Variants in WDR36 observed in about 807,000 individuals in gnomAD.
WDR36 encodes WD repeat domain 36.
A neutral mutation model predicts 112.7 loss-of-function variants in WDR36; 63 were observed. That is an observed-to-expected ratio of 0.56 (90% CI 0.46 to 0.69). WDR36 has a LOEUF of 0.69. WDR36 is among the 30% of genes least tolerant of loss of function. WDR36 has a pLI of 0.00. For missense variants in WDR36, 1,226 were observed against 1,070.3 expected, an observed-to-expected ratio of 1.15 and a Z score of -2.03; for synonymous variants, 410 against 362.2, an observed-to-expected ratio of 1.13 and a Z score of -1.50.
chr5:111,102,534 A>AG, intron 6 of WDR36, 135 bp downstream of exon 6: 4 of 877,036 alleles, frequency 4.6e-6, no homozygotes, highest in Non-Finnish European at 7.3e-6. Context: ...TGTTAGCCTG[A>AG]GGAAATAGTG....
At chr5:111,118,368 A>G (rs921539424) in intron 16 of WDR36, among the ~76,000 whole-genome samples, 4 of 152,136 alleles carry the variant, frequency 2.6e-5, no homozygotes, top group Middle Eastern at 3.2e-3. Flanking sequence ...TGAGTCTTCT[A>G]CCTGGTTTGT....
At chr5:111,099,463 G>T (rs199945131) in intron 4 of WDR36, among the ~76,000 whole-genome samples, 1,611 of 84,144 alleles carry the variant, frequency 0.019, 1 homozygote, top group East Asian at 0.024. Flanking sequence ...TTTTTTTTTT[G>T]TTTTTTTTTT....
rs1468888064 is a variant in WDR36 at position 111,123,882 on chromosome 5, A to G, written c.2226A>G (p.Val742=). 1 of 1,613,802 alleles carries G rather than the reference A, an allele frequency of 6.2e-7. No homozygotes were observed. Among genetic ancestry groups the G allele is most frequent in the Non-Finnish European group, 8.5e-7 (1 of 1,179,932 alleles). The change falls in exon 20 of 23, where the codon GTA becomes GTG. Residue 742 remains valine, a synonymous_variant. Coordinates refer to ENST00000513710, the MANE Select transcript of WDR36 (RefSeq NM_139281.3). ...TCATTCCAACAATTCCTGGCCTTGTACCCAGATATGCTGCACCTGAACAAA... is the reference window on the plus strand; with the variant it reads ...TCATTCCAACAATTCCTGGCCTTGTGCCCAGATATGCTGCACCTGAACAAA... The part of the protein sequence containing the change: ...PFFIPTIPGL[V]PRYAAPEQNN...
intron 19 of WDR36, 86 bp from the exon 20 acceptor site, chr5:111,123,719 T>G (rs1363806115): frequency 8.5e-6 from 13 of 1,535,450 alleles, no homozygotes; most frequent in Non-Finnish European, 1.2e-5. Context: ...CTTTTTGGTA[T>G]TTGTTTTAAA....
At chr5:111,101,206 T>A (rs1170077052) in intron 5 of WDR36, among the ~76,000 whole-genome samples, 4 of 151,966 alleles carry the variant, frequency 2.6e-5, no homozygotes, top group African/African-American at 4.8e-5. Flanking sequence ...GCATCACATA[T>A]GTGAAAGGTG....
chr5:111,102,308 A>T (rs759794875), intron 5 of WDR36, 37 bp from the exon 6 acceptor site: 1 of 1,575,980 alleles, frequency 6.3e-7, no homozygotes, highest in Non-Finnish European at 8.6e-7. Flanking sequence ...CTCCAAAAAA[A>T]AAAAAATACA....
chr5:111,129,688 G>T lies in WDR36; in HGVS notation c.*2805G>T. 5.0e-6 allele frequency: 1 copy of T among 200,780 alleles called. No individual in the cohort carries two copies. The highest frequency in any genetic ancestry group is 1.0e-5 in the Non-Finnish European group (1 of 97,542). 12.4% of individuals were successfully genotyped at this position (200,780 alleles called of 1,614,324 possible). On this transcript the variant is annotated 3_prime_UTR_variant, in exon 23 of 23. Transcript: ENST00000513710. ...TTACATGGTGTCTGTTTAAATAAAT[G>T]TTTTATATTTGTATACAATCAAATT...
chr5:111,110,384 A>G (rs1338992038), intron 13 of WDR36, 81 bp downstream of exon 13: 1 of 1,189,944 alleles, frequency 8.4e-7, no homozygotes, highest in Non-Finnish European at 1.2e-6. Context: ...ATAATCTTTA[A>G]GTGCTGGGCA....
chr5:111,121,024 A>G lies in WDR36; in HGVS notation c.2031A>G (p.Glu677=), dbSNP rs369697053. 4.3e-6 allele frequency: 7 copies of G among 1,613,502 alleles called. No individual in the cohort carries two copies. The African/African-American group carries it at 5.3e-5, about 12-fold the overall frequency. Residue 677 remains glutamate (E), a synonymous_variant, in exon 19 of 23, where the codon GAA becomes GAG. Transcript: ENST00000513710. ...TAGAAGTATCAGAAGAAACAGTAGA[A>G]CCAAGTGATGAATTGATAGAATATG... ...QDVEVSEETV[E]PSDELIEYDS...
rs368451969 is a variant in WDR36, at chr5:111,113,185, A to G, written c.1796+32A>G. On this transcript the variant is annotated intron_variant, in intron 16 of 22. Coordinates refer to ENST00000513710, the MANE Select transcript of WDR36 (RefSeq NM_139281.3). ...TTATATTTCTAATTCCCTAACCTCT[A>G]TAAGATTTCTAAGTTATTTTTTTCA... 1.8e-5 allele frequency: 24 copies of G among 1,330,642 alleles called. No individual in the cohort carries two copies. In the African/African-American group the frequency reaches 2.5e-4, roughly 14 times the overall value. 82.4% of individuals were successfully genotyped at this position (1,330,642 alleles called of 1,614,324 possible). A position where few individuals can be genotyped will look rare whatever the true frequency, so the allele number is the denominator to read the frequency against.
At position 111,092,422 on chromosome 5, in the gene WDR36, G is replaced by A. The variant is rs769255110; in HGVS notation, c.-35G>A. 6.2e-7 allele frequency: 1 copy of A among 1,614,240 alleles called. No homozygotes were observed. Among genetic ancestry groups the A allele is most frequent in the South Asian group, 1.1e-5 (1 of 91,086 alleles). On this transcript the variant is annotated 5_prime_UTR_variant, in exon 1 of 23. Coordinates refer to ENST00000513710, the MANE Select transcript of WDR36 (RefSeq NM_139281.3). ...GGACTGGGTACGTGTTTTCCTTCAG[G>A]ACCAGAGCTGAGAGGAGCTGGGATC... is the stretch of plus-strand genomic sequence containing the variant.
At position 111,127,243 on chromosome 5, in the gene WDR36, A is replaced by T. The variant is rs529466006; in HGVS notation, c.*360A>T. 4.0e-4 allele frequency: 90 copies of T among 223,508 alleles called. No homozygotes were observed. The highest frequency in any genetic ancestry group is 2.8e-3 in the Middle Eastern group (2 of 710). 13.8% of individuals were successfully genotyped at this position (223,508 alleles called of 1,614,324 possible). ...AAGACTTAAAGAATCTGCTCAAATG[A>T]TTTATTTTCTGAGTCTCTTCACATT... On this transcript the variant is annotated 3_prime_UTR_variant, in exon 23 of 23. Transcript: ENST00000513710.
intron 21 of WDR36, among the ~76,000 whole-genome samples, chr5:111,124,459 A>G (rs890960845): frequency 1.3e-5 from 2 of 152,148 alleles, no homozygotes; most frequent in Non-Finnish European, 2.9e-5. Context: ...GTTATTGACT[A>G]TATTTATAAT....
intron 16 of WDR36, among the ~76,000 whole-genome samples, chr5:111,116,525 A>G (rs12518884): frequency 0.41 from 61,597 of 151,960 alleles, 12,891 homozygotes; most frequent in Middle Eastern, 0.53. Flanking sequence ...CTGAATTGTT[A>G]TGCAGGGCTC....
In WDR36 at chr5:111,128,292, C is replaced by G; in HGVS notation, c.*1409C>G. 1.1e-5 allele frequency: 2 copies of G among 186,726 alleles called. No homozygotes were observed. The highest frequency in any genetic ancestry group is 2.3e-5 in the Non-Finnish European group (2 of 88,342). 11.6% of individuals were successfully genotyped at this position (186,726 alleles called of 1,614,324 possible). On this transcript the variant is annotated 3_prime_UTR_variant, in exon 23 of 23. Transcript: ENST00000513710. ...GAAGCAGTCCTCAAAAGGCATTTAC[C>G]AGTGATATCTTTTAATATTCATGTT...
intron 9 of WDR36, among the ~76,000 whole-genome samples, 171 bp from the exon 10 acceptor site, chr5:111,105,124 A>G (rs1024052890): frequency 6.6e-6 from 1 of 151,644 alleles, no homozygotes; most frequent in Admixed American, 6.6e-5. Context: ...ACTAAATGGC[A>G]TTCTATAAAA....
intron 1 of WDR36, among the ~76,000 whole-genome samples, chr5:111,093,966 C>G (rs71575359): frequency 6.6e-5 from 10 of 152,090 alleles, no homozygotes; most frequent in Non-Finnish European, 1.2e-4. Context: ...CCAGACTGTA[C>G]ACTGCTCAGA....
At chr5:111,103,988 T>G in intron 7 of WDR36, 70 bp downstream of exon 7, 1 of 1,580,668 alleles carries the variant, frequency 6.3e-7, no homozygotes, top group South Asian at 1.1e-5. Context: ...AGTCAATTTT[T>G]TTTGTCTTCT....
At chr5:111,097,939 G>A (rs1753027595) in intron 3 of WDR36, among the ~76,000 whole-genome samples, 1 of 152,114 alleles carries the variant, frequency 6.6e-6, no homozygotes, top group African/African-American at 2.4e-5. Context: ...TTTAGAATTG[G>A]AAAAAATGTT....
Sources: gnomAD v4.1 joint callset for allele counts (sites outside exome capture counted in the v4.1 genomes callset) on GRCh38, gnomAD v4.1.1 for gene constraint, MANE v1.5 for transcripts, NCBI Gene and HGNC (gene_info 2026-07-23, HGNC 2026-07-21) for gene names.